DOCK10: variants seen among roughly 807,000 people sequenced by gnomAD.
DOCK10 encodes dedicator of cytokinesis 10.
A neutral mutation model predicts 280.1 loss-of-function variants in DOCK10; 145 were observed. The ratio of observed to expected loss-of-function variants is 0.52; its 90% CI spans 0.45 to 0.59. The LOEUF (loss-of-function observed/expected upper bound fraction) is 0.59, where lower values mean the gene tolerates loss of function less well. Ranked by LOEUF, DOCK10 falls within the 20% of genes least tolerant of loss-of-function variation. The pLI, the probability that DOCK10 is intolerant of heterozygous loss-of-function variation, is 0.00. For synonymous variants in DOCK10, 915 were observed against 942.2 expected (o/e 0.97, Z 0.53); for missense variants, 2,368 against 2,651.7 (o/e 0.89, Z 2.35).
Position 224,949,388 on chromosome 2 carries a change from C to T in DOCK10, c.124-17720G>A, listed in dbSNP as rs142368895. Reference sequence around the variant, plus strand: ...CTCCAAGTTCATTAGAAAAGAAATCCAAGACCAATAAATCATCAGAATTTA... The same window carrying T: ...CTCCAAGTTCATTAGAAAAGAAATCTAAGACCAATAAATCATCAGAATTTA... On this transcript the variant is annotated intron_variant, in intron 1 of 55. Transcript: ENST00000258390. Among the ~76,000 whole-genome samples the T allele has an allele frequency of 3.8e-3, 575 of 152,312 alleles. 3 individuals carry two copies. The highest frequency in any genetic ancestry group is 0.013 in the African/African-American group (549 of 41,578).
At chr2:225,014,076 A>AATATACAT (rs1553632481) in intron 1 of DOCK10, among the ~76,000 whole-genome samples, 3 of 87,824 alleles carry the variant, frequency 3.4e-5, no homozygotes, top group Admixed American at 1.3e-4. Context: ...CAGAAGTCTG[A>AATATACAT]ATATATTGTT....
At position 224,806,147 on chromosome 2, in the gene DOCK10, C is replaced by T. The variant is rs760411967; in HGVS notation, c.3793G>A (p.Asp1265Asn). Residue 1265 changes from aspartate to asparagine, a missense_variant, in exon 34 of 56, where the codon GAT becomes AAT. By Grantham distance (23) the Asp-to-Asn change is conservative. This residue lies in a region of DOCK10 where 1,159 missense variants were observed against 1,400.8 expected (regional missense o/e 0.83). Transcript: ENST00000258390. ...ANSVDTSFSK[D>N]VLNSIAAFSS... ...GTACCTGCTATGGAATTTAAAACAT[C>T]TTTAGAAAATGATGTATCCACAGAG... is the stretch of plus-strand genomic sequence containing the variant. 1 of 1,605,524 alleles carries T rather than the reference C, an allele frequency of 6.2e-7. No homozygotes were observed. The highest frequency in any genetic ancestry group is 8.5e-7 in the Non-Finnish European group (1 of 1,174,816).
At chr2:224,858,093 G>A (rs1469194615) in intron 14 of DOCK10, among the ~76,000 whole-genome samples, 1 of 151,978 alleles carries the variant, frequency 6.6e-6, no homozygotes, top group Non-Finnish European at 1.5e-5. Context: ...TATTATAAAG[G>A]GCGTTTGTTT....
At chr2:225,005,901 G>A (rs1689234352) in intron 1 of DOCK10, among the ~76,000 whole-genome samples, 2 of 152,212 alleles carry the variant, frequency 1.3e-5, no homozygotes, top group African/African-American at 2.4e-5. Context: ...ATAATTTAGA[G>A]ATTATCCATG....
chr2:224,994,924 T>C (rs1559937283), intron 1 of DOCK10, among the ~76,000 whole-genome samples: 2 of 152,308 alleles, frequency 1.3e-5, no homozygotes, highest in South Asian at 4.1e-4. Context: ...AGGAGTGGCA[T>C]AGATGTGTAG....
At chr2:224,821,571 AT>A (rs921673030) in intron 28 of DOCK10, among the ~76,000 whole-genome samples, 7 of 151,814 alleles carry the variant, frequency 4.6e-5, no homozygotes, top group East Asian at 1.9e-4. Flanking sequence ...AAGTGTTCCA[AT>A]TTTTTTTAAT....
intron 1 of DOCK10, among the ~76,000 whole-genome samples, chr2:224,991,470 C>T (rs114100015): frequency 7.2e-4 from 109 of 152,284 alleles, no homozygotes; most frequent in African/African-American, 2.6e-3. Flanking sequence ...ATTATTACAA[C>T]TATTTGTGTT....
At position 224,797,060 on chromosome 2, in the gene DOCK10, C is replaced by T. The variant is rs375317878; in HGVS notation, c.4731G>A (p.Arg1577=). ...EVLKCCNHRS[R]STQTEASALL... ...GGGCTGAGGCTTCTGTCTGAGTTGACCGTGACCTGTGGTTACAGCATTTTA... is the reference window on the plus strand; with the variant it reads ...GGGCTGAGGCTTCTGTCTGAGTTGATCGTGACCTGTGGTTACAGCATTTTA... The change falls in exon 43 of 56, where the codon CGG becomes CGA. Residue 1577 remains arginine, a synonymous_variant. Coordinates refer to ENST00000258390, the MANE Select transcript of DOCK10 (RefSeq NM_014689.3). 2.5e-6 allele frequency: 4 copies of T among 1,613,644 alleles called. No individual in the cohort carries two copies. In the East Asian group the frequency reaches 6.7e-5, roughly 27 times the overall value.
chr2:224,889,425 A>G (rs1056724446), intron 4 of DOCK10, among the ~76,000 whole-genome samples: 1 of 152,176 alleles, frequency 6.6e-6, no homozygotes, highest in East Asian at 1.9e-4. Flanking sequence ...AGTGTTTTTT[A>G]TTGTGATAAA....
At chr2:224,926,898 A>G (rs1010076411) in intron 2 of DOCK10, among the ~76,000 whole-genome samples, 1 of 152,248 alleles carries the variant, frequency 6.6e-6, no homozygotes, top group African/African-American at 2.4e-5. Flanking sequence ...TTAGCTGCTG[A>G]AAATCTTTCA....
At chr2:224,862,859 G>T in intron 13 of DOCK10, 113 bp from the exon 14 acceptor site, 1 of 635,628 alleles carries the variant, frequency 1.6e-6, no homozygotes, top group Non-Finnish European at 2.5e-6. Context: ...CAGCGTAACT[G>T]TGTCTTACTA....
chr2:224,929,963 G>A (rs1332198013), intron 2 of DOCK10, among the ~76,000 whole-genome samples: 1 of 152,138 alleles, frequency 6.6e-6, no homozygotes, highest in African/African-American at 2.4e-5. Context: ...CACTCTGTGA[G>A]GCCGAGATGG....
intron 2 of DOCK10, among the ~76,000 whole-genome samples, chr2:224,924,308 AT>A (rs1287075121): frequency 2.0e-5 from 3 of 152,196 alleles, no homozygotes; most frequent in African/African-American, 7.2e-5. Context: ...ATTACAGAAC[AT>A]TTTCATCATG....
At chr2:224,957,293 C>CCA (rs200633601) in intron 1 of DOCK10, among the ~76,000 whole-genome samples, 1 of 144,522 alleles carries the variant, frequency 6.9e-6, no homozygotes, top group Admixed American at 6.8e-5. Context: ...CCGCCCCCCC[C>CCA]CGGCTTTGTT....
At chr2:224,813,327 C>T (rs926375013) in intron 31 of DOCK10, among the ~76,000 whole-genome samples, 1 of 152,138 alleles carries the variant, frequency 6.6e-6, no homozygotes, top group African/African-American at 2.4e-5. Context: ...TTCTGAGAAG[C>T]TGAGGTTACA....
chr2:224,782,411 C>G (rs186308841), intron 50 of DOCK10, among the ~76,000 whole-genome samples: 3 of 152,252 alleles, frequency 2.0e-5, no homozygotes, highest in African/African-American at 4.8e-5. Flanking sequence ...TATTCACTTG[C>G]TTTCATGTTA....
chr2:224,884,725 C>T lies in DOCK10; in HGVS notation c.747+946G>A, dbSNP rs545815828. On this transcript the variant is annotated intron_variant, in intron 7 of 55. Coordinates refer to ENST00000258390, the MANE Select transcript of DOCK10 (RefSeq NM_014689.3). ...TAGACTCTCTGGAATCAGTGGAATC[C>T]TTGTCTTTGAAGACAGCCACCTCTT... 2.0e-5 allele frequency among the ~76,000 whole-genome samples: 3 copies of T among 152,320 alleles called. No individual in the cohort carries two copies. The East Asian group carries it at 5.8e-4, about 29-fold the overall frequency.
chr2:224,871,528 T>C (rs1271174383), intron 11 of DOCK10, among the ~76,000 whole-genome samples: 1 of 152,172 alleles, frequency 6.6e-6, no homozygotes, highest in East Asian at 1.9e-4. Context: ...TAGCTTCCAA[T>C]CACACTTAGG....
chr2:224,887,245 C>T (rs959541922), intron 4 of DOCK10, among the ~76,000 whole-genome samples: 2 of 152,064 alleles, frequency 1.3e-5, no homozygotes, highest in African/African-American at 4.8e-5. Context: ...CTCAAGGGTA[C>T]ACAGTAGTCA....
Sources: allele counts gnomAD v4.1 joint callset (sites outside exome capture counted in the v4.1 genomes callset), GRCh38; gene constraint gnomAD v4.1.1; regional missense constraint gnomAD v4.1.1; transcripts MANE v1.5; gene names NCBI Gene and HGNC (gene_info 2026-07-23, HGNC 2026-07-21).